CNTN6: variants seen among roughly 807,000 people sequenced by gnomAD.
The protein encoded by CNTN6 is contactin 6, also known as contactin-6.
CNTN6 carries 137 observed loss-of-function variants against 122.8 expected under a neutral mutation model. The ratio of observed to expected loss-of-function variants is 1.12; its 90% CI spans 0.97 to 1.29. The LOEUF is 1.29. Among genes scored for constraint, CNTN6 ranks in the 50% most tolerant of loss-of-function variants. The pLI, the probability that CNTN6 is intolerant of heterozygous loss-of-function variation, is 0.00. For synonymous variants in CNTN6, 570 were observed against 426.0 expected (o/e 1.34, Z -4.16); for missense variants, 1,634 against 1,223.4 (o/e 1.34, Z -5.01).
At chr3:1,257,159 T>C (rs1259686954) in intron 4 of CNTN6, among the ~76,000 whole-genome samples, 1 of 152,176 alleles carries the variant, frequency 6.6e-6, no homozygotes, top group Non-Finnish European at 1.5e-5. Flanking sequence ...TTATTGGCAA[T>C]TTAAAATTAT....
At chr3:1,399,181 T>C (rs1695353519) in intron 20 of CNTN6, among the ~76,000 whole-genome samples, 1 of 152,080 alleles carries the variant, frequency 6.6e-6, no homozygotes, top group Non-Finnish European at 1.5e-5. Context: ...TATATAATGG[T>C]AATGTTAGTG....
intron 11 of CNTN6, among the ~76,000 whole-genome samples, chr3:1,337,835 A>G (rs1357407774): frequency 6.6e-6 from 1 of 152,094 alleles, no homozygotes; most frequent in Non-Finnish European, 1.5e-5. Context: ...TGAAGATGTA[A>G]CAAGCTAAAA....
intron 1 of CNTN6, among the ~76,000 whole-genome samples, chr3:1,144,247 A>G (rs906755561): frequency 3.3e-5 from 5 of 152,134 alleles, no homozygotes; most frequent in Admixed American, 2.6e-4. Context: ...TGTGCTCTAG[A>G]ATCTTTAAGA....
chr3:1,383,024 A>G lies in CNTN6; in HGVS notation c.2249A>G (p.Lys750Arg), dbSNP rs775769262. ...CCAGTGGGCTCGACAACCTGGTCCAAGGAGAAAGTGTCATCTGTGGAATCA... is the reference window on the plus strand; with the variant it reads ...CCAGTGGGCTCGACAACCTGGTCCAGGGAGAAAGTGTCATCTGTGGAATCA... Reference protein sequence around the residue: ...FRPVGSTTWSKEKVSSVESSR... With the variant: ...FRPVGSTTWSREKVSSVESSR... The change falls in exon 18 of 23, where the codon AAG (lysine) becomes AGG (arginine). Residue 750 changes from lysine to arginine, a missense_variant. Physicochemically the swap from Lys to Arg is conservative, Grantham distance 26. Transcript: ENST00000446702. 25 of 1,614,004 alleles carry G rather than the reference A, an allele frequency of 1.5e-5. No individual in the cohort carries two copies. Among genetic ancestry groups the G allele is most frequent in the Non-Finnish European group, 2.0e-5 (24 of 1,179,948 alleles).
At chr3:1,181,326 G>A (rs1355612646) in intron 2 of CNTN6, among the ~76,000 whole-genome samples, 1 of 152,024 alleles carries the variant, frequency 6.6e-6, no homozygotes, top group Non-Finnish European at 1.5e-5. Flanking sequence ...TCCTGAGGTT[G>A]CTCTCTCTCT....
chr3:1,249,336 G>T (rs558926904), intron 4 of CNTN6, among the ~76,000 whole-genome samples: 1 of 152,162 alleles, frequency 6.6e-6, no homozygotes, highest in Non-Finnish European at 1.5e-5. Context: ...TCAAACATAA[G>T]TGCAAGCAGT....
intron 1 of CNTN6, among the ~76,000 whole-genome samples, chr3:1,097,588 C>T (rs1282877599): frequency 6.6e-6 from 1 of 152,158 alleles, no homozygotes; most frequent in African/African-American, 2.4e-5. Flanking sequence ...TTGTAGATTT[C>T]CTTCCCTATA....
At chr3:1,197,700 T>A (rs75312138) in intron 2 of CNTN6, among the ~76,000 whole-genome samples, 6 of 152,146 alleles carry the variant, frequency 3.9e-5, no homozygotes, top group Admixed American at 6.5e-5. Context: ...CTGTGTGAAC[T>A]TGGGCAAGTA....
Position 1,256,288 on chromosome 3 carries a change from C to T in CNTN6, c.359-22125C>T, listed in dbSNP as rs538014380. ...CCTATTGAGTCATTAAGATGTTAGA[C>T]GTGAAAGTGTGGGTGAGAGGTAGCA... On this transcript the variant is annotated intron_variant, in intron 4 of 22. Transcript: ENST00000446702. Among the ~76,000 whole-genome samples, 44 of 152,020 alleles carry T rather than the reference C, an allele frequency of 2.9e-4. No individual in the cohort carries two copies. In the South Asian group the frequency reaches 8.1e-3, roughly 28 times the overall value.
chr3:1,101,015 T>C (rs2090864524), intron 1 of CNTN6, among the ~76,000 whole-genome samples: 1 of 152,184 alleles, frequency 6.6e-6, no homozygotes, highest in African/African-American at 2.4e-5. Context: ...AGACCAACCT[T>C]GTTTGAGTTG....
intron 2 of CNTN6, among the ~76,000 whole-genome samples, chr3:1,172,312 A>T (rs1393060432): frequency 6.6e-6 from 1 of 151,026 alleles, no homozygotes; most frequent in Non-Finnish European, 1.5e-5. Context: ...ATAAAGAATA[A>T]AAATTGAAAC....
intron 4 of CNTN6, among the ~76,000 whole-genome samples, chr3:1,233,718 GAA>G (rs2094385567): frequency 1.0e-5 from 1 of 97,534 alleles, no homozygotes. Flanking sequence ...CTGGGCAACA[GAA>G]CGAGACTCTG....
chr3:1,117,817 C>G lies in CNTN6; in HGVS notation c.-83+24697C>G, dbSNP rs1323481493. On this transcript the variant is annotated intron_variant, in intron 1 of 22. Coordinates refer to ENST00000446702, the MANE Select transcript of CNTN6 (RefSeq NM_001289080.2). ...GTAAAAGAGTAGGTTGATAAATATA[C>G]CAGGTTCTCCATCCCTTTATACAGC... Among the ~76,000 whole-genome samples the G allele has an allele frequency of 4.6e-5, 7 of 152,272 alleles. No individual in the cohort carries two copies. In the East Asian group the frequency reaches 1.2e-3, roughly 25 times the overall value.
chr3:1,307,928 T>TA (rs1698618153), intron 7 of CNTN6, among the ~76,000 whole-genome samples: 1 of 152,182 alleles, frequency 6.6e-6, no homozygotes, highest in African/African-American at 2.4e-5. Flanking sequence ...AAATACTTTT[T>TA]ATCAGGGTTC....
At chr3:1,387,453 C>T (rs1693202725) in intron 20 of CNTN6, among the ~76,000 whole-genome samples, 1 of 152,120 alleles carries the variant, frequency 6.6e-6, no homozygotes, top group Non-Finnish European at 1.5e-5. Context: ...TTCAGCTAAT[C>T]TGCAAATCCG....
chr3:1,216,121 A>G (rs1475630606), intron 2 of CNTN6, among the ~76,000 whole-genome samples: 1 of 151,774 alleles, frequency 6.6e-6, no homozygotes, highest in African/African-American at 2.4e-5. Flanking sequence ...AAACAGAGTC[A>G]GCTTTACTAT....
intron 11 of CNTN6, among the ~76,000 whole-genome samples, chr3:1,333,166 G>T (rs192512040): frequency 1.3e-5 from 2 of 152,064 alleles, no homozygotes; most frequent in African/African-American, 4.8e-5. Flanking sequence ...TATATTAGGA[G>T]CCAGGGACAG....
At chr3:1,193,142 C>A (rs567527356) in intron 2 of CNTN6, among the ~76,000 whole-genome samples, 1 of 152,290 alleles carries the variant, frequency 6.6e-6, no homozygotes, top group African/African-American at 2.4e-5. Flanking sequence ...TAAAGTCCTG[C>A]AATTAACCAA....
At chr3:1,278,107 G>C (rs1692744825) in intron 4 of CNTN6, among the ~76,000 whole-genome samples, 1 of 152,216 alleles carries the variant, frequency 6.6e-6, no homozygotes, top group African/African-American at 2.4e-5. Flanking sequence ...TCCTTGGACA[G>C]ACAAAGTAAA....
Sources: gnomAD v4.1 joint callset for allele counts (sites outside exome capture counted in the v4.1 genomes callset) on GRCh38, gnomAD v4.1.1 for gene constraint, MANE v1.5 for transcripts, NCBI Gene and HGNC (gene_info 2026-07-23, HGNC 2026-07-21) for gene names.